SRGAP3: variants seen among roughly 807,000 people sequenced by gnomAD.
SRGAP3 encodes SLIT-ROBO Rho GTPase activating protein 3, also known as SLIT-ROBO Rho GTPase-activating protein 3.
A neutral mutation model predicts 121.1 loss-of-function variants in SRGAP3; 39 were observed. That is an observed-to-expected ratio of 0.32 (90% CI 0.25 to 0.42). The LOEUF is 0.42. SRGAP3 is among the 10% of genes least tolerant of loss of function. SRGAP3 has a pLI of 1.00. For synonymous variants in SRGAP3, 601 were observed against 570.0 expected (o/e 1.05, Z -0.77); for missense variants, 1,213 against 1,470.6 (o/e 0.82, Z 2.86).
intron 3 of SRGAP3, among the ~76,000 whole-genome samples, chr3:9,314,054 C>T (rs1370109043): frequency 2.0e-5 from 3 of 152,246 alleles, no homozygotes; most frequent in African/African-American, 7.2e-5. Flanking sequence ...CCTATTAGAA[C>T]ATAACTCCTT....
chr3:9,132,409 T>C (rs1005942361), intron 1 of SRGAP3, among the ~76,000 whole-genome samples: 1 of 152,204 alleles, frequency 6.6e-6, no homozygotes, highest in Non-Finnish European at 1.5e-5. Context: ...ATTTCGCCCC[T>C]TATTCTTCCC....
chr3:9,238,703 C>A (rs1953510165), intron 1 of SRGAP3, among the ~76,000 whole-genome samples: 3 of 152,196 alleles, frequency 2.0e-5, no homozygotes, highest in Non-Finnish European at 4.4e-5. Context: ...ATCCCTTCCC[C>A]AGGCAGAGCC....
intron 1 of SRGAP3, among the ~76,000 whole-genome samples, chr3:9,197,873 C>T (rs1412117394): frequency 6.6e-6 from 1 of 152,220 alleles, no homozygotes; most frequent in African/African-American, 2.4e-5. Flanking sequence ...AATTGTGTAT[C>T]TCCAAGAGGG....
chr3:9,271,439 C>T lies in SRGAP3; in HGVS notation n.442+54571G>A, dbSNP rs538386913. 5.3e-5 allele frequency among the ~76,000 whole-genome samples: 8 copies of T among 152,340 alleles called. No homozygotes were observed. The South Asian group carries it at 1.5e-3, about 28-fold the overall frequency. Reference sequence around the variant, plus strand: ...CATTATCTCACCCCAGATCATTCTCCCTCCCCAGGACAGCCTATGTCCGAG... The same window carrying T: ...CATTATCTCACCCCAGATCATTCTCTCTCCCCAGGACAGCCTATGTCCGAG... On this transcript the variant is annotated intron_variant and non_coding_transcript_variant, in intron 3 of 3. Transcript: ENST00000490889.
At position 8,992,962 on chromosome 3, in the gene SRGAP3, G is replaced by A; in HGVS notation, c.2502C>T (p.Asp834=). Residue 834 remains aspartate, a synonymous_variant, in exon 20 of 22, where the codon GAC becomes GAT. Coordinates refer to ENST00000383836, the MANE Select transcript of SRGAP3 (RefSeq NM_014850.4). ...LLDDKASSKN[D]LQSPTEHISD... ...AGATGTGCTCCGTGGGGGACTGGAGGTCGTTTTTGGAAGAGGCCTTGTCAT... is the reference window on the plus strand; with the variant it reads ...AGATGTGCTCCGTGGGGGACTGGAGATCGTTTTTGGAAGAGGCCTTGTCAT... 6.2e-7 allele frequency: 1 copy of A among 1,614,212 alleles called. No individual in the cohort carries two copies. The highest frequency in any genetic ancestry group is 2.2e-5 in the East Asian group (1 of 44,884).
intron 1 of SRGAP3, chr3:9,236,102 C>T (rs1243778997): frequency 6.0e-6 from 1 of 166,028 alleles, no homozygotes; most frequent in Non-Finnish European, 1.3e-5. Context: ...GGATTTTAGC[C>T]ACCTCAAACT....
rs571685887 is a variant in SRGAP3 at position 8,985,057 on chromosome 3, G to A, written c.*462C>T. 7 of 231,284 alleles carry A rather than the reference G, an allele frequency of 3.0e-5. No individual in the cohort carries two copies. Among genetic ancestry groups the A allele is most frequent in the South Asian group, 1.8e-4 (1 of 5,558 alleles). 14.3% of individuals were successfully genotyped at this position (231,284 alleles called of 1,614,324 possible). A position where few individuals can be genotyped will look rare whatever the true frequency, so the allele number is the denominator to read the frequency against. ...GAGATACTATATACACTTAGTATGC[G>A]TGTGTCCAGATCTAGTATATGTATA... On this transcript the variant is annotated 3_prime_UTR_variant, in exon 22 of 22. Coordinates refer to ENST00000383836, the MANE Select transcript of SRGAP3 (RefSeq NM_014850.4). The surrounding 1 kb of genome is among the most constrained non-coding windows in gnomAD (Gnocchi z 5.1).
intron 18 of SRGAP3, among the ~76,000 whole-genome samples, chr3:9,003,212 G>A (rs1298364998): frequency 6.6e-6 from 1 of 152,174 alleles, no homozygotes; most frequent in Non-Finnish European, 1.5e-5. Context: ...AGGCACGGTG[G>A]CTCATGCCTG....
intron 3 of SRGAP3, among the ~76,000 whole-genome samples, chr3:9,263,378 A>G (rs142143027): frequency 0.014 from 2,142 of 151,952 alleles, 36 homozygotes; most frequent in African/African-American, 0.038. Flanking sequence ...AGAGCAGAAC[A>G]GAAGGAGACA....
intron 2 of SRGAP3, among the ~76,000 whole-genome samples, chr3:9,328,706 A>C (rs1052864677): frequency 1.3e-5 from 2 of 152,176 alleles, no homozygotes; most frequent in Non-Finnish European, 2.9e-5. Context: ...TTAAACCAGA[A>C]AGGACTTACT....
intron 2 of SRGAP3, among the ~76,000 whole-genome samples, chr3:9,105,296 T>C (rs1356676874): frequency 6.6e-6 from 1 of 152,202 alleles, no homozygotes; most frequent in African/African-American, 2.4e-5. Context: ...TCTTTGTTCT[T>C]CCCCAGGGAT....
intron 1 of SRGAP3, among the ~76,000 whole-genome samples, chr3:9,147,654 G>GT (rs1950071643): frequency 6.6e-6 from 1 of 152,172 alleles, no homozygotes; most frequent in South Asian, 2.1e-4. Context: ...TGATTCATGA[G>GT]AGAGGAAAGA....
intron 1 of SRGAP3, among the ~76,000 whole-genome samples, chr3:9,143,407 TC>T (rs1949925093): frequency 6.6e-6 from 1 of 152,170 alleles, no homozygotes; most frequent in African/African-American, 2.4e-5. Context: ...CACTGCCTGT[TC>T]CCTTCGCTTT....
intron 14 of SRGAP3, among the ~76,000 whole-genome samples, chr3:9,019,170 G>A (rs1325416968): frequency 6.6e-6 from 1 of 152,194 alleles, no homozygotes; most frequent in Non-Finnish European, 1.5e-5. Context: ...TTGCCACAGT[G>A]AATAGTCTTG....
Position 9,248,911 on chromosome 3 carries a change from A to G in SRGAP3, c.41T>C (p.Ile14Thr). The part of the protein sequence containing the change: ...QTKFKKDKEI[I>T]AEYEAQIKEI... ...TTTTATTTGGGCTTCATATTCAGCA[A>G]TGATCTCTTTGTCTTTCTTGAACTT... is the stretch of plus-strand genomic sequence containing the variant. The change falls in exon 1 of 22, where the codon ATT (isoleucine) becomes ACT (threonine). Residue 14 changes from isoleucine (I) to threonine (T), a missense_variant. Transcript: ENST00000383836. 1 of 1,614,196 alleles carries G rather than the reference A, an allele frequency of 6.2e-7. No individual in the cohort carries two copies. The highest frequency in any genetic ancestry group is 8.5e-7 in the Non-Finnish European group (1 of 1,180,036).
intron 3 of SRGAP3, among the ~76,000 whole-genome samples, chr3:9,094,741 A>T (rs1947900958): frequency 6.6e-6 from 1 of 151,994 alleles, no homozygotes; most frequent in Admixed American, 6.6e-5. Context: ...TATATCACTG[A>T]CCATTGAAGT....
chr3:9,143,092 A>G (rs1313520394), intron 1 of SRGAP3, among the ~76,000 whole-genome samples: 1 of 152,042 alleles, frequency 6.6e-6, no homozygotes, highest in African/African-American at 2.4e-5. Flanking sequence ...CTCCTGCCTC[A>G]GTCTCCCAAA....
intron 1 of SRGAP3, chr3:9,348,470 C>T: frequency 1.4e-6 from 1 of 692,668 alleles, no homozygotes. Context: ...GGTGTTGATC[C>T]AGCATGGCGA....
In SRGAP3 at chr3:9,249,217, C is replaced by T. The variant is rs1953930396; in HGVS notation, c.-266G>A. On this transcript the variant is annotated 5_prime_UTR_variant, in exon 1 of 22. Transcript: ENST00000383836. ...AAGAATCACCCTAGGAGCACAGTAA[C>T]CTGCCCCAGATTTTCAAAGATTTTT... The T allele has an allele frequency of 1.8e-6, 1 of 550,000 alleles. No individual in the cohort carries two copies. Among genetic ancestry groups the T allele is most frequent in the African/African-American group, 1.9e-5 (1 of 53,036 alleles). 34.1% of individuals were successfully genotyped at this position (550,000 alleles called of 1,614,324 possible).
Sources: allele counts gnomAD v4.1 joint callset (sites outside exome capture counted in the v4.1 genomes callset), GRCh38; gene constraint gnomAD v4.1.1; non-coding constraint Gnocchi (gnomAD v3.1); transcripts MANE v1.5; gene names NCBI Gene and HGNC (gene_info 2026-07-23, HGNC 2026-07-21).